EVL: variants seen among roughly 807,000 people sequenced by gnomAD.
EVL encodes ena/VASP-like protein.
A neutral mutation model predicts 59.6 loss-of-function variants in EVL; 21 were observed. That is an observed-to-expected ratio of 0.35 (90% confidence interval 0.25 to 0.51). EVL has a LOEUF of 0.51. Among genes scored for constraint, EVL ranks in the 20% least tolerant of loss-of-function variants. The probability of loss-of-function intolerance (pLI) is 0.97; values close to 1 mark genes in which losing one functional copy is unlikely to be tolerated. For synonymous variants in EVL, 198 were observed against 203.5 expected (o/e 0.97, Z 0.23); for missense variants, 462 against 546.6 (o/e 0.85, Z 1.54).
chr14:99,979,861 C>T (rs1417859877), intron 1 of EVL, among the ~76,000 whole-genome samples: 1 of 152,136 alleles, frequency 6.6e-6, no homozygotes, highest in Non-Finnish European at 1.5e-5. Flanking sequence ...CAGAGCGAGA[C>T]TCCGTCTCAA....
Position 100,047,112 on chromosome 14 carries a change from CTCTCTCTT to C in EVL, c.6-37573_6-37566del, listed in dbSNP as rs2061561981. The stretch of plus-strand genomic sequence containing the variant: ...ATATTTTGAGACCTTGGGCAGATCT[CTCTCTCTT>C]TTTTTTTTTTTTTTTTTTTTTTTTT... On this transcript the variant is annotated intron_variant, in intron 1 of 13. Transcript: ENST00000402714. Among the ~76,000 whole-genome samples the C allele has an allele frequency of 2.6e-4, 3 of 11,410 alleles. 1 individual carries two copies. The South Asian group carries it at 9.1e-3, about 35-fold the overall frequency. 7.5% of individuals were successfully genotyped at this position (11,410 alleles called of 152,430 possible).
At chr14:100,032,814 T>G (rs2061333419) in intron 1 of EVL, among the ~76,000 whole-genome samples, 1 of 152,224 alleles carries the variant, frequency 6.6e-6, no homozygotes, top group African/African-American at 2.4e-5. Context: ...ATCTGATATT[T>G]AATTTCCTCT....
intron 1 of EVL, among the ~76,000 whole-genome samples, chr14:99,993,622 GT>G: frequency 6.8e-6 from 1 of 147,482 alleles, no homozygotes; most frequent in African/African-American, 2.5e-5. Flanking sequence ...TTGTTGAGAG[GT>G]TTTTGATTAC....
chr14:100,080,000 G>C (rs73347878), intron 1 of EVL, among the ~76,000 whole-genome samples: 9,271 of 151,966 alleles, frequency 0.061, 441 homozygotes, highest in African/African-American at 0.12. Flanking sequence ...TCCTACATCA[G>C]GTCCTGGAAG....
intron 1 of EVL, among the ~76,000 whole-genome samples, chr14:100,057,924 C>G (rs1017369097): frequency 1.3e-5 from 2 of 152,178 alleles, no homozygotes; most frequent in Non-Finnish European, 2.9e-5. Flanking sequence ...TTTCTCTACT[C>G]CCAGGACACA....
In EVL at chr14:99,972,167, G is replaced by A. The variant is rs1323655941; in HGVS notation, c.5+110G>A. 1.7e-5 allele frequency: 4 copies of A among 241,244 alleles called. No individual in the cohort carries two copies. Among genetic ancestry groups the A allele is most frequent in the African/African-American group, 9.2e-5 (4 of 43,540 alleles). 14.9% of individuals were successfully genotyped at this position (241,244 alleles called of 1,614,324 possible). A position where few individuals can be genotyped will look rare whatever the true frequency, so the allele number is the denominator to read the frequency against. On this transcript the variant is annotated intron_variant, in intron 1 of 13. Coordinates refer to the EVL transcript ENST00000402714. The surrounding 1 kb of genome is among the most constrained non-coding windows in gnomAD (Gnocchi z 4.4). ...CGGGAGGGGGGCTCCACGGGCGCGGGGGCTTCCAGAGAACCGCGGGGGCTC... is the reference window on the plus strand; with the variant it reads ...CGGGAGGGGGGCTCCACGGGCGCGGAGGCTTCCAGAGAACCGCGGGGGCTC...
chr14:100,100,080 C>T (rs980212987), intron 3 of EVL, among the ~76,000 whole-genome samples: 1 of 150,732 alleles, frequency 6.6e-6, no homozygotes, highest in Admixed American at 6.6e-5. Flanking sequence ...ATTAAATTCA[C>T]CAGAGAATCA....
chr14:99,990,061 GT>G (rs1435183801), intron 1 of EVL, among the ~76,000 whole-genome samples: 1 of 152,146 alleles, frequency 6.6e-6, no homozygotes, highest in Non-Finnish European at 1.5e-5. Context: ...TCTTCTCTAG[GT>G]TAAACACTTT....
chr14:100,021,878 G>A (rs992467067), intron 1 of EVL, among the ~76,000 whole-genome samples: 2 of 152,086 alleles, frequency 1.3e-5, no homozygotes, highest in Non-Finnish European at 2.9e-5. Flanking sequence ...GGACAGGTAG[G>A]TGAACCACCG....
intron 1 of EVL, among the ~76,000 whole-genome samples, chr14:100,067,694 C>T (rs1252107190): frequency 1.3e-5 from 2 of 152,160 alleles, no homozygotes; most frequent in Non-Finnish European, 2.9e-5. Context: ...AGGACTTGAA[C>T]CTGTGCCTCC....
rs201664777 is a variant in EVL at position 100,112,383 on chromosome 14, T to TCCC, written c.359-11154_359-11152dup. The stretch of plus-strand genomic sequence containing the variant: ...CTGCATTTAGCCCACTCTGATCCAT[T>TCCC]CCCCGCAAAGCAAGCAGACTGCATT... On this transcript the variant is annotated intron_variant, in intron 3 of 13. Transcript: ENST00000392920. Among the ~76,000 whole-genome samples, 61 of 152,154 alleles carry TCCC rather than the reference T, an allele frequency of 4.0e-4. 2 individuals are homozygous for TCCC. Among genetic ancestry groups the TCCC allele is most frequent in the African/African-American group, 1.4e-3 (60 of 41,490 alleles).
intron 1 of EVL, among the ~76,000 whole-genome samples, chr14:100,078,960 G>C (rs889626135): frequency 2.0e-5 from 3 of 152,220 alleles, no homozygotes; most frequent in African/African-American, 7.2e-5. Flanking sequence ...GCCAGTCCCA[G>C]GGAGAGAGAG....
chr14:100,013,956 T>C (rs1277340531), intron 1 of EVL, among the ~76,000 whole-genome samples: 1 of 152,236 alleles, frequency 6.6e-6, no homozygotes, highest in African/African-American at 2.4e-5. Context: ...TAGGCAGATA[T>C]GTGTAATAAC....
intron 1 of EVL, among the ~76,000 whole-genome samples, chr14:99,981,039 G>C (rs994145848): frequency 1.3e-5 from 2 of 151,514 alleles, no homozygotes; most frequent in Non-Finnish European, 2.9e-5. Flanking sequence ...GTTTGAGACC[G>C]GCGGCGGTGG....
rs192261420 is a variant in EVL, at chr14:100,086,997, G to A, written c.180+2142G>A. On this transcript the variant is annotated intron_variant, in intron 2 of 13. Transcript: ENST00000392920. ...ATTTTCACAGATTTGGTTTTAGTCCGTGTGGGCTACCACCTTAAAGTGGTC... is the reference window on the plus strand; with the variant it reads ...ATTTTCACAGATTTGGTTTTAGTCCATGTGGGCTACCACCTTAAAGTGGTC... Among the ~76,000 whole-genome samples the A allele has an allele frequency of 5.9e-4, 90 of 152,332 alleles. 1 individual carries two copies. Among genetic ancestry groups the A allele is most frequent in the Non-Finnish European group, 9.7e-4 (66 of 68,032 alleles).
Position 100,134,708 on chromosome 14 carries a change from C to T in EVL, c.901-1197C>T, listed in dbSNP as rs545433592. Reference sequence around the variant, plus strand: ...GAAGAAAGAAGGCTTATTTGAAAGACGAAAAGAGCCCCAAATGTGGAGTCC... The same window carrying T: ...GAAGAAAGAAGGCTTATTTGAAAGATGAAAAGAGCCCCAAATGTGGAGTCC... On this transcript the variant is annotated intron_variant, in intron 8 of 13. Coordinates refer to ENST00000392920, the MANE Select transcript of EVL (RefSeq NM_016337.3). 5.9e-5 allele frequency: 9 copies of T among 152,356 alleles called. No homozygotes were observed. The South Asian group carries it at 6.2e-4, about 11-fold the overall frequency. The allele number at this position is 152,356 out of a possible 1,614,324, so 9.4% of individuals were successfully genotyped here.
intron 1 of EVL, among the ~76,000 whole-genome samples, chr14:100,007,619 G>A (rs1316109219): frequency 2.6e-5 from 4 of 152,264 alleles, no homozygotes; most frequent in Non-Finnish European, 4.4e-5. Flanking sequence ...CAAGGGGCCT[G>A]AGGCTCTGAT....
At chr14:100,084,483 C>T (rs946807809) in intron 1 of EVL, among the ~76,000 whole-genome samples, 1 of 152,210 alleles carries the variant, frequency 6.6e-6, no homozygotes, top group East Asian at 1.9e-4. Context: ...AGTTTTGGCA[C>T]AGAACCTCCT....
intron 1 of EVL, among the ~76,000 whole-genome samples, chr14:100,033,734 T>C (rs2061347589): frequency 6.6e-6 from 1 of 152,228 alleles, no homozygotes; most frequent in Non-Finnish European, 1.5e-5. Context: ...AGATAGCTGC[T>C]CTTGTTGTCA....
Sources: gnomAD v4.1 joint callset for allele counts (sites outside exome capture counted in the v4.1 genomes callset) on GRCh38, gnomAD v4.1.1 for gene constraint, Gnocchi (gnomAD v3.1) non-coding constraint, MANE v1.5 for transcripts, NCBI Gene and HGNC (gene_info 2026-07-23, HGNC 2026-07-21) for gene names.